The following AFF3 variants were observed in gnomAD, a reference collection of about 807,000 sequenced individuals.
AFF3 encodes the protein AF4/FMR2 family member 3.
A neutral mutation model predicts 129.7 loss-of-function variants in AFF3; 32 were observed. The ratio of observed to expected loss-of-function variants is 0.25; its 90% CI spans 0.19 to 0.33. The LOEUF (loss-of-function observed/expected upper bound fraction) is 0.33, where lower values mean the gene tolerates loss of function less well. AFF3 is among the 10% of genes least tolerant of loss of function. The probability of loss-of-function intolerance (pLI) is 1.00; values close to 1 mark genes in which losing one functional copy is unlikely to be tolerated. For synonymous variants in AFF3, 644 were observed against 635.4 expected (o/e 1.01, Z -0.20); for missense variants, 1,373 against 1,592.0 (o/e 0.86, Z 2.34).
Position 99,550,413 on chromosome 2 carries a change from T to C in AFF3, c.*1061A>G, listed in dbSNP as rs1197235985. The C allele has an allele frequency of 1.3e-5, 3 of 230,714 alleles. No individual in the cohort carries two copies. Among genetic ancestry groups the C allele is most frequent in the East Asian group, 6.2e-5 (1 of 16,230 alleles). The allele number at this position is 230,714 out of a possible 1,614,324, so 14.3% of individuals were successfully genotyped here. On this transcript the variant is annotated 3_prime_UTR_variant, in exon 25 of 25. Transcript: ENST00000672756. ...AGGAGTGAGAGAATCAGCATTATCATGGCAAATAGCTCTCAGCCTGGTAAG... is the reference window on the plus strand; with the variant it reads ...AGGAGTGAGAGAATCAGCATTATCACGGCAAATAGCTCTCAGCCTGGTAAG...
chr2:99,688,638 C>T (rs527502776), intron 11 of AFF3, among the ~76,000 whole-genome samples: 1 of 152,040 alleles, frequency 6.6e-6, no homozygotes, highest in East Asian at 1.9e-4. Flanking sequence ...ATGATTCTAC[C>T]CCTTTCTGGC....
At chr2:99,633,988 C>T (rs150633857) in intron 13 of AFF3, among the ~76,000 whole-genome samples, 9,221 of 146,012 alleles carry the variant, frequency 0.063, 391 homozygotes, top group East Asian at 0.12. Flanking sequence ...GATCTCAGCT[C>T]GCTGCCTCCT....
chr2:99,559,843 T>C (rs916441817), intron 21 of AFF3, among the ~76,000 whole-genome samples: 5 of 152,256 alleles, frequency 3.3e-5, no homozygotes. Context: ...ATTTCACTGC[T>C]TGGTAGACAT....
chr2:100,116,112 G>A (rs889679141), intron 2 of AFF3, among the ~76,000 whole-genome samples: 1 of 151,986 alleles, frequency 6.6e-6, no homozygotes, highest in East Asian at 1.9e-4. Flanking sequence ...CTCTAATGAT[G>A]ATTTTTGCCT....
intron 10 of AFF3, among the ~76,000 whole-genome samples, chr2:99,735,562 G>C (rs893768897): frequency 6.6e-6 from 1 of 151,538 alleles, no homozygotes; most frequent in Non-Finnish European, 1.5e-5. Flanking sequence ...GTGAGATCTC[G>C]GCTCACAGCA....
intron 8 of AFF3, among the ~76,000 whole-genome samples, chr2:99,794,052 T>C (rs559108321): frequency 6.6e-6 from 1 of 152,366 alleles, no homozygotes; most frequent in South Asian, 2.1e-4. Flanking sequence ...CATTTCCCCA[T>C]ATTGGGGGAT....
rs1347332176 is a variant in AFF3, at chr2:99,547,194, G to A, written c.*4280C>T. 7 of 215,418 alleles carry A rather than the reference G, an allele frequency of 3.2e-5. No homozygotes were observed. The highest frequency in any genetic ancestry group is 4.7e-5 in the Non-Finnish European group (5 of 106,858). The allele number at this position is 215,418 out of a possible 1,614,324, so 13.3% of individuals were successfully genotyped here. A position where few individuals can be genotyped will look rare whatever the true frequency, so the allele number is the denominator to read the frequency against. ...AACGTATTTTGATTCTCAAGTTTCCGTGTAAAAATATTCACAGAAATTGGT... is the reference window on the plus strand; with the variant it reads ...AACGTATTTTGATTCTCAAGTTTCCATGTAAAAATATTCACAGAAATTGGT... On this transcript the variant is annotated 3_prime_UTR_variant, in exon 25 of 25. Coordinates refer to ENST00000672756, the MANE Select transcript of AFF3 (RefSeq NM_001386135.1).
chr2:99,835,330 T>C (rs142712630), intron 8 of AFF3, among the ~76,000 whole-genome samples: 236 of 152,298 alleles, frequency 1.5e-3, no homozygotes, highest in African/African-American at 5.4e-3. Flanking sequence ...TCACCAACTA[T>C]TCTGCCTTTC....
At chr2:99,737,073 T>A (rs1038994471) in intron 10 of AFF3, among the ~76,000 whole-genome samples, 18 of 152,158 alleles carry the variant, frequency 1.2e-4, no homozygotes, top group African/African-American at 4.3e-4. Context: ...TACCTTTTAG[T>A]ATAGTTTAGT....
chr2:99,700,341 G>C (rs1197461990), intron 11 of AFF3, among the ~76,000 whole-genome samples: 1 of 152,136 alleles, frequency 6.6e-6, no homozygotes, highest in Non-Finnish European at 1.5e-5. Flanking sequence ...GGCTGGTCTT[G>C]AACTCCTGGC....
chr2:99,631,090 G>A, intron 13 of AFF3: 1 of 364,968 alleles, frequency 2.7e-6, no homozygotes, highest in Non-Finnish European at 5.7e-6. Flanking sequence ...CTCAGGCAGG[G>A]CCTGGCTCCT....
intron 7 of AFF3, among the ~76,000 whole-genome samples, chr2:99,867,802 C>A (rs953307801): frequency 1.3e-5 from 2 of 152,168 alleles, no homozygotes; most frequent in African/African-American, 4.8e-5. Context: ...GTGCTGAGGT[C>A]AGAGCCAGGA....
intron 12 of AFF3, among the ~76,000 whole-genome samples, chr2:99,650,911 C>T (rs993230401): frequency 1.9e-4 from 29 of 151,848 alleles, no homozygotes; most frequent in Non-Finnish European, 4.1e-4. Flanking sequence ...TGGTGGCTCA[C>T]GCCTGTAATC....
chr2:99,926,504 T>C (rs1696249997), intron 7 of AFF3, among the ~76,000 whole-genome samples: 1 of 152,208 alleles, frequency 6.6e-6, no homozygotes, highest in Non-Finnish European at 1.5e-5. Flanking sequence ...AATTTCTACA[T>C]ACACATTACA....
intron 7 of AFF3, among the ~76,000 whole-genome samples, chr2:99,988,342 A>T (rs1474026203): frequency 6.6e-6 from 1 of 152,226 alleles, no homozygotes; most frequent in African/African-American, 2.4e-5. Flanking sequence ...CGCTAAAAGC[A>T]TGGAGGCCTG....
chr2:100,028,623 G>A (rs1462113478), intron 4 of AFF3, among the ~76,000 whole-genome samples: 1 of 151,996 alleles, frequency 6.6e-6, no homozygotes, highest in Non-Finnish European at 1.5e-5. Flanking sequence ...TGTTAACAGT[G>A]GCTATTCTTG....
chr2:99,644,019 C>T (rs1029951463), intron 13 of AFF3, among the ~76,000 whole-genome samples: 1 of 152,242 alleles, frequency 6.6e-6, no homozygotes, highest in African/African-American at 2.4e-5. Context: ...AGCCACACGG[C>T]TGTTTCTCAT....
At chr2:99,833,390 C>G (rs773640915) in intron 8 of AFF3, among the ~76,000 whole-genome samples, 1 of 152,134 alleles carries the variant, frequency 6.6e-6, no homozygotes, top group Non-Finnish European at 1.5e-5. Context: ...ACAGAAAATG[C>G]AACTCTATGT....
At chr2:100,119,722 A>G (rs1034601955) in intron 2 of AFF3, among the ~76,000 whole-genome samples, 7 of 152,230 alleles carry the variant, frequency 4.6e-5, no homozygotes, top group African/African-American at 1.4e-4. Flanking sequence ...TGTGGTTTAC[A>G]GGGGACAAAC....
Sources: gnomAD v4.1 joint callset for allele counts (sites outside exome capture counted in the v4.1 genomes callset) on GRCh38, gnomAD v4.1.1 for gene constraint, MANE v1.5 for transcripts, NCBI Gene and HGNC (gene_info 2026-07-23, HGNC 2026-07-21) for gene names.